Variants in SBNO1 observed in about 807,000 individuals in gnomAD.
The protein encoded by SBNO1 is protein strawberry notch homolog 1.
SBNO1 carries 23 observed loss-of-function variants against 173.6 expected under a neutral mutation model. That is an observed-to-expected ratio of 0.13 (90% CI 0.10 to 0.19). The LOEUF (loss-of-function observed/expected upper bound fraction) is 0.19, where lower values mean the gene tolerates loss of function less well. Among genes scored for constraint, SBNO1 ranks in the 10% least tolerant of loss-of-function variants. The pLI, the probability that SBNO1 is intolerant of heterozygous loss-of-function variation, is 1.00. For missense variants in SBNO1, 1,238 were observed against 1,671.2 expected, an observed-to-expected ratio of 0.74 and a Z score of 4.52; for synonymous variants, 632 against 571.5, an observed-to-expected ratio of 1.11 and a Z score of -1.51.
rs2048545458 is a variant in SBNO1 at position 123,293,817 on chromosome 12, C to T, written c.*2091G>A. Reference sequence around the variant, plus strand: ...CAGAAAAGAGGAGTTGGGCCAACAGCCTGCGAGAGAAGATCCTTCCCAACT... The same window carrying T: ...CAGAAAAGAGGAGTTGGGCCAACAGTCTGCGAGAGAAGATCCTTCCCAACT... On this transcript the variant is annotated 3_prime_UTR_variant, in exon 32 of 32. Transcript: ENST00000602398. 1 of 152,166 alleles carries T rather than the reference C, an allele frequency of 6.6e-6. No homozygotes were observed. The highest frequency in any genetic ancestry group is 2.4e-5 in the African/African-American group (1 of 41,448). 9.4% of individuals were successfully genotyped at this position (152,166 alleles called of 1,614,324 possible).
chr12:123,362,224 C>G (rs1185542135), intron 1 of SBNO1, among the ~76,000 whole-genome samples: 2 of 151,474 alleles, frequency 1.3e-5, no homozygotes, highest in Non-Finnish European at 2.9e-5. Flanking sequence ...ATCACGAGGT[C>G]AGGAGATCGA....
At chr12:123,299,706 A>AAAAAAAAAAAAAG (rs2048723994) in intron 30 of SBNO1, among the ~76,000 whole-genome samples, 1 of 151,468 alleles carries the variant, frequency 6.6e-6, no homozygotes, top group Non-Finnish European at 1.5e-5. Context: ...AAAACAAAAA[A>AAAAAAAAAAAAAG]GCCAAGTGTG....
In SBNO1 at chr12:123,326,200, T is replaced by C. The variant is rs1870597958; in HGVS notation, c.1827A>G (p.Lys609=). ...GAGCTAGTTGCACAACCCTTTTAAC[T>C]TTGGATGCTATGCATAAGTATTTGA... is the stretch of plus-strand genomic sequence containing the variant. ...RFFKYLCIAS[K]VKRVVQLARE... Residue 609 remains lysine, a synonymous_variant, in exon 14 of 32, where the codon AAA becomes AAG. Transcript: ENST00000602398. The C allele has an allele frequency of 1.9e-6, 3 of 1,612,706 alleles. No individual in the cohort carries two copies. Among genetic ancestry groups the C allele is most frequent in the Non-Finnish European group, 2.5e-6 (3 of 1,179,162 alleles).
At chr12:123,340,942 A>T in intron 5 of SBNO1, 46 bp downstream of exon 5, 2 of 1,165,876 alleles carry the variant, frequency 1.7e-6, no homozygotes, top group South Asian at 1.3e-5. Flanking sequence ...AGTTGAGTAC[A>T]CTCTCATACT....
intron 24 of SBNO1, among the ~76,000 whole-genome samples, chr12:123,312,903 A>G (rs566298455): frequency 6.6e-6 from 1 of 152,054 alleles, no homozygotes; most frequent in Non-Finnish European, 1.5e-5. Context: ...AATTAAATTG[A>G]ATTTTAAAAG....
chr12:123,305,299 T>C (rs753603427), intron 28 of SBNO1, among the ~76,000 whole-genome samples: 19 of 152,300 alleles, frequency 1.2e-4, no homozygotes, highest in South Asian at 6.2e-4. Flanking sequence ...CCTTTCCCGA[T>C]GTCACAGGGT....
intron 20 of SBNO1, among the ~76,000 whole-genome samples, chr12:123,318,745 A>G (rs1228008780): frequency 6.6e-6 from 1 of 151,814 alleles, no homozygotes; most frequent in Non-Finnish European, 1.5e-5. Context: ...CTCAAAAAAA[A>G]AAAAAAAAAG....
chr12:123,327,408 T>A lies in SBNO1; in HGVS notation c.1692+18A>T. 6.2e-7 allele frequency: 1 copy of A among 1,600,604 alleles called. No individual in the cohort carries two copies. The highest frequency in any genetic ancestry group is 8.5e-7 in the Non-Finnish European group (1 of 1,173,226). ...AGATACATTAAATAAACACTAGGAATTAAGAAAAATTCCTCACCAGCTTGA... is the reference window on the plus strand; with the variant it reads ...AGATACATTAAATAAACACTAGGAAATAAGAAAAATTCCTCACCAGCTTGA... On this transcript the variant is annotated intron_variant, in intron 13 of 31. Transcript: ENST00000602398.
chr12:123,310,538 T>A (rs1239286698), intron 25 of SBNO1, among the ~76,000 whole-genome samples: 1 of 128,770 alleles, frequency 7.8e-6, no homozygotes, highest in African/African-American at 3.0e-5. Flanking sequence ...GACCAATTTT[T>A]TTTTATTTTT....
At chr12:123,297,319 G>A (rs1445410167) in intron 31 of SBNO1, among the ~76,000 whole-genome samples, 2 of 80,908 alleles carry the variant, frequency 2.5e-5, no homozygotes, top group East Asian at 1.1e-3. Context: ...GACACAGTGA[G>A]ACTCAGTCTC....
chr12:123,333,945 T>G, intron 7 of SBNO1, 108 bp downstream of exon 7: 5 of 659,554 alleles, frequency 7.6e-6, no homozygotes, highest in Non-Finnish European at 1.2e-5. Context: ...TCATAAATAT[T>G]ACATTTACAA....
chr12:123,335,597 GTT>G (rs1417788811), intron 6 of SBNO1, among the ~76,000 whole-genome samples: 1 of 152,190 alleles, frequency 6.6e-6, no homozygotes, highest in South Asian at 2.1e-4. Context: ...TGATTTTGCC[GTT>G]TTAGGCCATC....
intron 1 of SBNO1, among the ~76,000 whole-genome samples, chr12:123,363,042 C>G (rs554190693): frequency 6.6e-6 from 1 of 152,168 alleles, no homozygotes; most frequent in African/African-American, 2.4e-5. Flanking sequence ...GCTATGACCA[C>G]GTCACTGCAC....
At chr12:123,353,605 C>CA (rs896418646) in intron 1 of SBNO1, among the ~76,000 whole-genome samples, 8 of 151,546 alleles carry the variant, frequency 5.3e-5, no homozygotes, top group South Asian at 2.1e-4. Flanking sequence ...ACTTTTGATT[C>CA]AAAAAAAAGA....
At chr12:123,319,746 C>T (rs893495231) in intron 20 of SBNO1, among the ~76,000 whole-genome samples, 154 bp downstream of exon 20, 38 of 151,656 alleles carry the variant, frequency 2.5e-4, no homozygotes, top group African/African-American at 8.2e-4. Flanking sequence ...AATAAAAACA[C>T]GTACAATATT....
chr12:123,321,673 T>C lies in SBNO1; in HGVS notation c.2185A>G (p.Ser729Gly), dbSNP rs1439761002. 4 of 1,614,144 alleles carry C rather than the reference T, an allele frequency of 2.5e-6. No individual in the cohort carries two copies. Among genetic ancestry groups the C allele is most frequent in the Non-Finnish European group, 2.5e-6 (3 of 1,179,998 alleles). ...ARKVGGLTGS[S>G]SDDSGSESDA... ...GATTCACTTCCACTGTCGTCAGAACTGCTACCAGTAAGGCCACCTACTTTT... is the reference window on the plus strand; with the variant it reads ...GATTCACTTCCACTGTCGTCAGAACCGCTACCAGTAAGGCCACCTACTTTT... Residue 729 changes from serine (S) to glycine (G), a missense_variant, in exon 17 of 32, where the codon AGT (serine) becomes GGT (glycine). Coordinates refer to ENST00000602398, the MANE Select transcript of SBNO1 (RefSeq NM_001167856.3).
chr12:123,327,756 C>G lies in SBNO1; in HGVS notation c.1489G>C (p.Gly497Arg). ...TCACTGAATTCTCTAAATGGAGTAC[C>G]CTCACCCCATATGCCAAGACGGTTC... ...YMNRLGIWGE[G>R]TPFREFSDFI... Residue 497 changes from glycine (G) to arginine (R), a missense_variant, in exon 12 of 32, where the codon GGT (glycine) becomes CGT (arginine). Transcript: ENST00000602398. 1 of 1,613,782 alleles carries G rather than the reference C, an allele frequency of 6.2e-7. No homozygotes were observed. The highest frequency in any genetic ancestry group is 8.5e-7 in the Non-Finnish European group (1 of 1,179,888).
In SBNO1 at chr12:123,320,878, G is replaced by T; in HGVS notation, c.2324-12C>A. 6.5e-7 allele frequency: 1 copy of T among 1,534,136 alleles called. No individual in the cohort carries two copies. ...AATTAACCAGGGATCTGAGTGTTAA[G>T]GAAAGATACATGTCAAATCATTTGT... On this transcript the variant is annotated splice_polypyrimidine_tract_variant and intron_variant, in intron 17 of 31. Coordinates refer to ENST00000602398, the MANE Select transcript of SBNO1 (RefSeq NM_001167856.3).
At chr12:123,343,537 CTTT>C (rs58841947) in intron 4 of SBNO1, among the ~76,000 whole-genome samples, 2 of 135,468 alleles carry the variant, frequency 1.5e-5, no homozygotes, top group African/African-American at 2.7e-5. Flanking sequence ...CACTTACCAT[CTTT>C]TTTTTTTTTT....
Sources: gnomAD v4.1 joint callset for allele counts (sites outside exome capture counted in the v4.1 genomes callset) on GRCh38, gnomAD v4.1.1 for gene constraint, MANE v1.5 for transcripts, NCBI Gene and HGNC (gene_info 2026-07-23, HGNC 2026-07-21) for gene names.